RYR2: variants seen among roughly 807,000 people sequenced by gnomAD.
RYR2 encodes cardiac muscle ryanodine receptor-calcium release channel.
A neutral mutation model predicts 601.1 loss-of-function variants in RYR2; 227 were observed. The ratio of observed to expected loss-of-function variants is 0.38; its 90% CI spans 0.34 to 0.42. The LOEUF (loss-of-function observed/expected upper bound fraction) is 0.42. Ranked by LOEUF, RYR2 falls within the 10% of genes least tolerant of loss-of-function variation. The pLI is 1.00. For synonymous variants in RYR2, 2,223 were observed against 2,175.1 expected (o/e 1.02, Z -0.61); for missense variants, 4,646 against 6,156.5 (o/e 0.75, Z 8.21).
At chr1:237,464,213 A>C (rs1376977831) in intron 16 of RYR2, among the ~76,000 whole-genome samples, 1 of 152,112 alleles carries the variant, frequency 6.6e-6, no homozygotes, top group Non-Finnish European at 1.5e-5. Flanking sequence ...GATAGTCAAA[A>C]GGCTTTCCTT....
intron 1 of RYR2, among the ~76,000 whole-genome samples, chr1:237,132,483 A>G (rs527493873): frequency 6.6e-6 from 1 of 152,330 alleles, no homozygotes; most frequent in African/African-American, 2.4e-5. Flanking sequence ...ATTGTGGGCT[A>G]ATTTGCTATA....
At chr1:237,605,134 G>A (rs1189369962) in intron 35 of RYR2, among the ~76,000 whole-genome samples, 1 of 152,110 alleles carries the variant, frequency 6.6e-6, no homozygotes. Context: ...AAGAACTTTA[G>A]ACCAATATCT....
At chr1:237,388,040 C>T in intron 9 of RYR2, 47 bp from the exon 10 acceptor site, 1 of 1,514,194 alleles carries the variant, frequency 6.6e-7, no homozygotes, top group Non-Finnish European at 9.1e-7. Flanking sequence ...TGGCTATCAG[C>T]ACCTGACACT....
chr1:237,577,500 CTGTG>C (rs763937941), intron 29 of RYR2, among the ~76,000 whole-genome samples: 145 of 113,852 alleles, frequency 1.3e-3, no homozygotes, highest in African/African-American at 4.5e-3. Flanking sequence ...GTGTGTGTTT[CTGTG>C]TGTGTGTGTG....
chr1:237,491,576 G>C (rs1663345671), intron 17 of RYR2, among the ~76,000 whole-genome samples: 1 of 152,118 alleles, frequency 6.6e-6, no homozygotes, highest in African/African-American at 2.4e-5. Context: ...TAAACACCAC[G>C]TCTCAGTTGT....
intron 8 of RYR2, among the ~76,000 whole-genome samples, chr1:237,378,906 G>A (rs1701238131): frequency 6.6e-6 from 1 of 152,206 alleles, no homozygotes; most frequent in Non-Finnish European, 1.5e-5. Context: ...TAAATGGAGT[G>A]TCTGATGTTG....
At chr1:237,259,449 A>C (rs1314565416) in intron 1 of RYR2, among the ~76,000 whole-genome samples, 1 of 151,694 alleles carries the variant, frequency 6.6e-6, no homozygotes, top group Non-Finnish European at 1.5e-5. Context: ...CAGAGGTTGC[A>C]GTGAGTGAGT....
intron 1 of RYR2, among the ~76,000 whole-genome samples, chr1:237,268,339 G>A (rs1016099833): frequency 3.3e-5 from 5 of 152,008 alleles, no homozygotes; most frequent in African/African-American, 1.2e-4. Flanking sequence ...CACAATTTTT[G>A]GTTCTTTTTT....
intron 68 of RYR2, among the ~76,000 whole-genome samples, 187 bp from the exon 69 acceptor site, chr1:237,708,671 A>AT (rs1338502535): frequency 5.3e-5 from 8 of 152,138 alleles, no homozygotes; most frequent in Admixed American, 1.3e-4. Context: ...CTCAGTAAAC[A>AT]TTTTTTTAAT....
chr1:237,767,678 T>C (rs1693946776), intron 84 of RYR2, among the ~76,000 whole-genome samples: 1 of 152,214 alleles, frequency 6.6e-6, no homozygotes, highest in African/African-American at 2.4e-5. Flanking sequence ...TTTTTAAATT[T>C]ACTTTTTAAT....
chr1:237,298,218 C>T (rs757954569), intron 2 of RYR2, among the ~76,000 whole-genome samples: 9 of 152,100 alleles, frequency 5.9e-5, no homozygotes, highest in Non-Finnish European at 8.8e-5. Flanking sequence ...CATCAGCTCT[C>T]CCATCACCTG....
chr1:237,721,850 C>G (rs1444399687), intron 73 of RYR2, among the ~76,000 whole-genome samples: 1 of 152,090 alleles, frequency 6.6e-6, no homozygotes, highest in Admixed American at 6.6e-5. Flanking sequence ...CATACTTATT[C>G]TATATTATTT....
intron 1 of RYR2, among the ~76,000 whole-genome samples, chr1:237,241,198 A>T (rs1427057756): frequency 1.3e-5 from 2 of 152,222 alleles, no homozygotes; most frequent in Admixed American, 1.3e-4. Flanking sequence ...ATACTGTACC[A>T]GGCTACGGGG....
chr1:237,807,005 C>A (rs1345482383), intron 99 of RYR2, among the ~76,000 whole-genome samples: 1 of 152,188 alleles, frequency 6.6e-6, no homozygotes, highest in Non-Finnish European at 1.5e-5. Flanking sequence ...CAGACTCCTT[C>A]ATTTCCAGAG....
intron 1 of RYR2, among the ~76,000 whole-genome samples, chr1:237,157,974 A>G (rs2485593): frequency 0.96 from 146,785 of 152,324 alleles, 70,954 homozygotes; most frequent in East Asian, 1. Flanking sequence ...ATTGTATGCT[A>G]TTATCAAGAT....
chr1:237,123,708 C>T (rs111989761), intron 1 of RYR2, among the ~76,000 whole-genome samples: 3,054 of 136,048 alleles, frequency 0.022, 37 homozygotes, highest in Non-Finnish European at 0.033. Context: ...TCGCCCAGGC[C>T]GGACTGCGGA....
chr1:237,057,878 A>C (rs1190790208), intron 1 of RYR2, among the ~76,000 whole-genome samples: 2 of 152,148 alleles, frequency 1.3e-5, no homozygotes, highest in Admixed American at 6.5e-5. Flanking sequence ...GCTTTTCTTA[A>C]TTCGAGAGCA....
intron 1 of RYR2, among the ~76,000 whole-genome samples, chr1:237,264,542 G>T (rs1285144704): frequency 6.6e-6 from 1 of 151,914 alleles, no homozygotes; most frequent in Non-Finnish European, 1.5e-5. Context: ...CTGATTTAGT[G>T]GTATTAACTT....
chr1:237,812,915 T>TA (rs1661408513), intron 100 of RYR2, among the ~76,000 whole-genome samples: 1 of 151,196 alleles, frequency 6.6e-6, no homozygotes, highest in African/African-American at 2.4e-5. Flanking sequence ...TTTTTTAACT[T>TA]ACAGCAACTG....
Sources: allele counts gnomAD v4.1 joint callset (sites outside exome capture counted in the v4.1 genomes callset), GRCh38; gene constraint gnomAD v4.1.1; transcripts MANE v1.5; gene names NCBI Gene and HGNC (gene_info 2026-07-23, HGNC 2026-07-21).